The following RIMS4 variants were observed in gnomAD, a reference collection of about 807,000 sequenced individuals.
The protein encoded by RIMS4 is regulating synaptic membrane exocytosis 4, also known as regulating synaptic membrane exocytosis protein 4.
In RIMS4, 9 loss-of-function variants were observed where a neutral mutation model predicts 29.0. The ratio of observed to expected loss-of-function variants is 0.31; its 90% CI spans 0.19 to 0.54. RIMS4 has a LOEUF of 0.54. RIMS4 is among the 20% of genes least tolerant of loss of function. The pLI is 0.94. For synonymous variants in RIMS4, 130 were observed against 152.9 expected (o/e 0.85, Z 1.10); for missense variants, 193 against 365.7 (o/e 0.53, Z 3.85).
rs1568890831 is a variant in RIMS4, at chr20:44,752,577, G to A, written c.*3557C>T. 6.6e-6 allele frequency: 1 copy of A among 152,406 alleles called. No individual in the cohort carries two copies. The highest frequency in any genetic ancestry group is 1.5e-5 in the Non-Finnish European group (1 of 68,174). The allele number at this position is 152,406 out of a possible 1,614,324, so 9.4% of individuals were successfully genotyped here. A position where few individuals can be genotyped will look rare whatever the true frequency, so the allele number is the denominator to read the frequency against. ...GGACCTCAGCTCCCTGCTTTGAAAT[G>A]GGGATGACGGCACAGGCCACCACCT... On this transcript the variant is annotated 3_prime_UTR_variant, in exon 6 of 6. Transcript: ENST00000372851.
intron 2 of RIMS4, among the ~76,000 whole-genome samples, chr20:44,765,928 T>C (rs982114488): frequency 6.6e-6 from 1 of 151,982 alleles, no homozygotes; most frequent in African/African-American, 2.4e-5. Context: ...AGGAGTGAAA[T>C]GTATGCATGC....
At chr20:44,802,619 G>A (rs987599878) in intron 1 of RIMS4, among the ~76,000 whole-genome samples, 5 of 152,224 alleles carry the variant, frequency 3.3e-5, no homozygotes, top group Non-Finnish European at 7.3e-5. Context: ...AGCGTGAAAG[G>A]AAGCTGCGTT....
intron 2 of RIMS4, among the ~76,000 whole-genome samples, chr20:44,766,426 TA>T (rs1176653793): frequency 6.6e-6 from 1 of 151,178 alleles, no homozygotes; most frequent in Non-Finnish European, 1.5e-5. Flanking sequence ...AAGTGAAGGG[TA>T]AAGGTTCAGG....
intron 1 of RIMS4, among the ~76,000 whole-genome samples, chr20:44,792,333 C>T (rs543767614): frequency 6.6e-6 from 1 of 151,596 alleles, no homozygotes; most frequent in South Asian, 2.1e-4. Context: ...GCTCTTGTTG[C>T]CCAGGCTGGA....
chr20:44,789,434 C>T (rs1036222246), intron 1 of RIMS4, among the ~76,000 whole-genome samples: 3 of 152,078 alleles, frequency 2.0e-5, no homozygotes, highest in East Asian at 1.9e-4. Context: ...GTAGCTGGGA[C>T]GGCAGGCACC....
At chr20:44,789,783 G>GGATT (rs1477474806) in intron 1 of RIMS4, among the ~76,000 whole-genome samples, 7 of 152,184 alleles carry the variant, frequency 4.6e-5, no homozygotes, top group Non-Finnish European at 1.0e-4. Flanking sequence ...TGGAACTCCT[G>GGATT]GCCTCAAGCA....
In RIMS4 at chr20:44,761,326, A is replaced by G. The variant is rs1008863865; in HGVS notation, c.237-3142T>C. Reference sequence around the variant, plus strand: ...AATGACACAGGTACTGCATGGCCCCACCCTATCCCTCAGCACTCACCTCTA... The same window carrying G: ...AATGACACAGGTACTGCATGGCCCCGCCCTATCCCTCAGCACTCACCTCTA... On this transcript the variant is annotated intron_variant, in intron 2 of 5. Coordinates refer to ENST00000372851, the MANE Select transcript of RIMS4 (RefSeq NM_182970.4). 3.4e-4 allele frequency among the ~76,000 whole-genome samples: 51 copies of G among 152,018 alleles called. 1 individual carries two copies. The highest frequency in any genetic ancestry group is 1.1e-3 in the African/African-American group (47 of 41,380).
At chr20:44,764,189 T>C (rs1304618834) in intron 2 of RIMS4, among the ~76,000 whole-genome samples, 30 of 9,924 alleles carry the variant, frequency 3.0e-3, no homozygotes, top group Non-Finnish European at 4.2e-3. Context: ...CATCCATCCA[T>C]TTATCCATCC....
At chr20:44,792,966 G>A (rs980521395) in intron 1 of RIMS4, among the ~76,000 whole-genome samples, 1 of 152,094 alleles carries the variant, frequency 6.6e-6, no homozygotes, top group African/African-American at 2.4e-5. Context: ...TTACCCAGCC[G>A]TGCACCCTGC....
chr20:44,805,560 C>T (rs191758684), intron 1 of RIMS4, among the ~76,000 whole-genome samples: 16 of 152,212 alleles, frequency 1.1e-4, no homozygotes, highest in African/African-American at 3.4e-4. Context: ...AACTTCATGC[C>T]TCCACGTGGT....
chr20:44,760,184 G>C (rs1465894650), intron 2 of RIMS4, among the ~76,000 whole-genome samples: 1 of 152,248 alleles, frequency 6.6e-6, no homozygotes, highest in Non-Finnish European at 1.5e-5. Context: ...GATGCTGCAG[G>C]ATCCTTGAGG....
chr20:44,783,730 G>C (rs2066195309), intron 1 of RIMS4, among the ~76,000 whole-genome samples: 1 of 152,070 alleles, frequency 6.6e-6, no homozygotes, highest in South Asian at 2.1e-4. Context: ...GGTCATAAAA[G>C]ATCATCTCTT....
intron 2 of RIMS4, among the ~76,000 whole-genome samples, chr20:44,768,367 C>T (rs929259185): frequency 1.3e-5 from 2 of 152,214 alleles, no homozygotes; most frequent in Non-Finnish European, 2.9e-5. Flanking sequence ...CCCAGCGGTG[C>T]CAGGGGCTGC....
rs200719386 is a variant in RIMS4, at chr20:44,788,801, TA to T, written c.98-17389del. Among the ~76,000 whole-genome samples, 568 of 151,600 alleles carry T rather than the reference TA, an allele frequency of 3.7e-3. 1 individual carries two copies. The highest frequency in any genetic ancestry group is 6.3e-3 in the Non-Finnish European group (429 of 67,842). On this transcript the variant is annotated intron_variant, in intron 1 of 5. Coordinates refer to ENST00000372851, the MANE Select transcript of RIMS4 (RefSeq NM_182970.4). The stretch of plus-strand genomic sequence containing the variant: ...TAAGTGGGTGATTTTACTACCCACT[TA>T]AAAAAAATGATACTGATGATGCTGA...
At position 44,792,548 on chromosome 20, in the gene RIMS4, T is replaced by C. The variant is rs374079533; in HGVS notation, c.97+17627A>G. On this transcript the variant is annotated intron_variant, in intron 1 of 5. Coordinates refer to ENST00000372851, the MANE Select transcript of RIMS4 (RefSeq NM_182970.4). ...CTTAGGAGATCCACCCACCTCAGCC[T>C]CCCAAAGTGCTGGGATTGCAGGCAT... Among the ~76,000 whole-genome samples, 12 of 152,204 alleles carry C rather than the reference T, an allele frequency of 7.9e-5. No homozygotes were observed. The East Asian group carries it at 2.1e-3, about 27-fold the overall frequency.
chr20:44,783,295 T>C (rs2066192864), intron 1 of RIMS4, among the ~76,000 whole-genome samples: 1 of 152,180 alleles, frequency 6.6e-6, no homozygotes, highest in Admixed American at 6.5e-5. Context: ...CTGTGGTATA[T>C]CCATGCAATT....
intron 1 of RIMS4, among the ~76,000 whole-genome samples, chr20:44,777,565 T>C (rs2066165543): frequency 6.6e-6 from 1 of 152,120 alleles, no homozygotes; most frequent in Non-Finnish European, 1.5e-5. Flanking sequence ...TGTCCAAGGT[T>C]ATACCAGATA....
At chr20:44,796,513 G>C (rs1214665190) in intron 1 of RIMS4, among the ~76,000 whole-genome samples, 1 of 152,188 alleles carries the variant, frequency 6.6e-6, no homozygotes, top group East Asian at 1.9e-4. Context: ...GATGCAGATG[G>C]GAATCACACA....
intron 2 of RIMS4, among the ~76,000 whole-genome samples, chr20:44,770,024 T>C (rs1318211869): frequency 2.6e-5 from 4 of 152,256 alleles, no homozygotes; most frequent in Non-Finnish European, 4.4e-5. Context: ...GCTAGTGCAA[T>C]AGAAGAACAG....
Sources: allele counts gnomAD v4.1 joint callset (sites outside exome capture counted in the v4.1 genomes callset), GRCh38; gene constraint gnomAD v4.1.1; transcripts MANE v1.5; gene names NCBI Gene and HGNC (gene_info 2026-07-23, HGNC 2026-07-21).